The following KIAA0040 variants were observed in gnomAD, a reference collection of about 807,000 sequenced individuals.
KIAA0040 encodes the protein KIAA0040, also known as uncharacterized protein KIAA0040.
In KIAA0040, 10 loss-of-function variants were observed where a neutral mutation model predicts 7.2. The ratio of observed to expected loss-of-function variants is 1.38; its 90% confidence interval spans 0.85 to 2.34. KIAA0040 has a LOEUF of 2.34. Among genes scored for constraint, KIAA0040 ranks in the 30% most tolerant of loss-of-function variants. The pLI, the probability that KIAA0040 is intolerant of heterozygous loss-of-function variation, is 0.00. For synonymous variants in KIAA0040, 49 were observed against 40.1 expected, an observed-to-expected ratio of 1.22 and a Z score of -0.84; for missense variants, 89 against 108.2, an observed-to-expected ratio of 0.82 and a Z score of 0.79.
chr1:175,157,532 A>G lies in KIAA0040; in HGVS notation c.*3182T>C, dbSNP rs958113010. The G allele has an allele frequency of 8.5e-5, 13 of 152,108 alleles. No individual in the cohort carries two copies. Among genetic ancestry groups the G allele is most frequent in the African/African-American group, 3.1e-4 (13 of 41,396 alleles). 9.4% of individuals were successfully genotyped at this position (152,108 alleles called of 1,614,324 possible). ...AGAGTAACCATCTGACTACATCAAG[A>G]CTTTTCATTTTCAAAGTATTTTATT... On this transcript the variant is annotated 3_prime_UTR_variant, in exon 4 of 4. Coordinates refer to ENST00000423313, the MANE Select transcript of KIAA0040 (RefSeq NM_014656.3).
intron 2 of KIAA0040, among the ~76,000 whole-genome samples, chr1:175,167,824 C>T (rs931837716): frequency 6.6e-6 from 1 of 151,880 alleles, no homozygotes; most frequent in Admixed American, 6.6e-5. Context: ...TGGGTGTGCC[C>T]AACTTTCCTT....
chr1:175,176,183 A>T (rs1364141537), intron 2 of KIAA0040, among the ~76,000 whole-genome samples: 1 of 152,230 alleles, frequency 6.6e-6, no homozygotes, highest in Non-Finnish European at 1.5e-5. Flanking sequence ...GAATAGCTGA[A>T]AACTAATGAA....
intron 1 of KIAA0040, 134 bp from the exon 2 acceptor site, chr1:175,177,818 T>C (rs992838166): frequency 3.9e-5 from 6 of 152,230 alleles, no homozygotes; most frequent in Non-Finnish European, 8.8e-5. Flanking sequence ...ATGCATACAC[T>C]TTCTAAATTA....
At chr1:175,177,349 A>G (rs1677245074) in intron 2 of KIAA0040, among the ~76,000 whole-genome samples, 1 of 152,262 alleles carries the variant, frequency 6.6e-6, no homozygotes, top group Non-Finnish European at 1.5e-5. Context: ...GACAGTTAGA[A>G]GGCAGAAGAT....
rs1285052419 is a variant in KIAA0040 at position 175,160,464 on chromosome 1, G to A, written c.*250C>T. 1 of 478,056 alleles carries A rather than the reference G, an allele frequency of 2.1e-6. No individual in the cohort carries two copies. The highest frequency in any genetic ancestry group is 3.1e-5 in the South Asian group (1 of 32,330). 29.6% of individuals were successfully genotyped at this position (478,056 alleles called of 1,614,324 possible). On this transcript the variant is annotated 3_prime_UTR_variant, in exon 4 of 4. Coordinates refer to ENST00000423313, the MANE Select transcript of KIAA0040 (RefSeq NM_014656.3). ...TGGGGTATGCCAGAGACAGGTGGGA[G>A]GCATGCCTGGGTCTGCAGTAAGGAG...
chr1:175,177,724 CT>C (rs1677259392), intron 1 of KIAA0040, 40 bp from the exon 2 acceptor site: 1 of 152,168 alleles, frequency 6.6e-6, no homozygotes, highest in African/African-American at 2.4e-5. Context: ...TGTACTGCCC[CT>C]TTGGAGGGAA....
At chr1:175,169,546 C>T (rs1354591577) in intron 2 of KIAA0040, among the ~76,000 whole-genome samples, 1 of 152,144 alleles carries the variant, frequency 6.6e-6, no homozygotes, top group African/African-American at 2.4e-5. Context: ...AAGTAAACAG[C>T]CCTTGACTCC....
intron 2 of KIAA0040, among the ~76,000 whole-genome samples, chr1:175,169,804 C>T (rs1676914240): frequency 6.6e-6 from 1 of 152,190 alleles, no homozygotes; most frequent in Admixed American, 6.5e-5. Context: ...GCAGGGCTCT[C>T]CCAAGATTGT....
At chr1:175,176,946 G>T (rs537998873) in intron 2 of KIAA0040, among the ~76,000 whole-genome samples, 1 of 152,244 alleles carries the variant, frequency 6.6e-6, no homozygotes, top group East Asian at 1.9e-4. Flanking sequence ...GGGGATTGCA[G>T]GGGGGTATCC....
chr1:175,188,646 G>A (rs1677754503), intron 1 of KIAA0040, among the ~76,000 whole-genome samples: 1 of 152,194 alleles, frequency 6.6e-6, no homozygotes, highest in Non-Finnish European at 1.5e-5. Context: ...ACACTAAAAG[G>A]ATTTTAGTTA....
At chr1:175,179,602 A>G (rs1258238573) in intron 1 of KIAA0040, among the ~76,000 whole-genome samples, 1 of 152,222 alleles carries the variant, frequency 6.6e-6, no homozygotes, top group East Asian at 1.9e-4. Flanking sequence ...TAAAAACAGG[A>G]TGCAATCAGT....
rs570855066 is a variant in KIAA0040 at position 175,161,112 on chromosome 1, T to C, written c.-99A>G. ...TTGACCACTTGTAATTTATTCCTCT[T>C]CCAGCTTTGGGTTTGGGCATGCCAC... is the stretch of plus-strand genomic sequence containing the variant. On this transcript the variant is annotated 5_prime_UTR_variant, in exon 4 of 4. Transcript: ENST00000423313. The C allele has an allele frequency of 1.2e-5, 14 of 1,207,980 alleles. No homozygotes were observed. Among genetic ancestry groups the C allele is most frequent in the Admixed American group, 2.8e-5 (1 of 35,634 alleles). The allele number at this position is 1,207,980 out of a possible 1,614,324, so 74.8% of individuals were successfully genotyped here.
chr1:175,167,961 G>T (rs760487), intron 2 of KIAA0040, among the ~76,000 whole-genome samples: 147,982 of 151,870 alleles, frequency 0.97, 72,111 homozygotes, highest in East Asian at 0.99. Context: ...CTCTTGGGGG[G>T]TTAAAACACC....
intron 1 of KIAA0040, among the ~76,000 whole-genome samples, chr1:175,183,899 T>C (rs1677544851): frequency 6.6e-6 from 1 of 152,110 alleles, no homozygotes; most frequent in African/African-American, 2.4e-5. Flanking sequence ...TTTGGAAAAT[T>C]CCCCAAAGCC....
intron 1 of KIAA0040, among the ~76,000 whole-genome samples, chr1:175,177,908 G>A (rs944364401): frequency 6.6e-6 from 1 of 152,248 alleles, no homozygotes; most frequent in African/African-American, 2.4e-5. Context: ...TGTCTGGGCT[G>A]TTAGGAACTG....
Position 175,161,077 on chromosome 1 carries a change from G to A in KIAA0040, c.-64C>T, listed in dbSNP as rs1214467920. On this transcript the variant is annotated 5_prime_UTR_variant, in exon 4 of 4. Coordinates refer to ENST00000423313, the MANE Select transcript of KIAA0040 (RefSeq NM_014656.3). ...TTACAAGCAGGTCCTGGGCTCAAAA[G>A]GATGCAACCTTGACCACTTGTAATT... is the stretch of plus-strand genomic sequence containing the variant. 3.5e-6 allele frequency: 5 copies of A among 1,430,182 alleles called. No individual in the cohort carries two copies. In the Admixed American group the frequency reaches 9.8e-5, roughly 28 times the overall value. 88.6% of individuals were successfully genotyped at this position (1,430,182 alleles called of 1,614,324 possible).
intron 2 of KIAA0040, among the ~76,000 whole-genome samples, chr1:175,174,732 C>T (rs1451113861): frequency 2.6e-5 from 4 of 152,122 alleles, no homozygotes; most frequent in Non-Finnish European, 5.9e-5. Context: ...TTAGGAGCTA[C>T]ATTTCCAAAG....
intron 2 of KIAA0040, among the ~76,000 whole-genome samples, chr1:175,171,918 G>C (rs114544887): frequency 3.2e-3 from 487 of 152,292 alleles, no homozygotes; most frequent in Middle Eastern, 0.014. Flanking sequence ...GAAATATGGG[G>C]GAGGTAAAAG....
intron 1 of KIAA0040, among the ~76,000 whole-genome samples, chr1:175,187,320 A>C (rs950028411): frequency 7.9e-5 from 12 of 152,316 alleles, no homozygotes; most frequent in Middle Eastern, 3.4e-3. Context: ...TGTGGGTTCC[A>C]AATCACTCGG....
Sources: allele counts gnomAD v4.1 joint callset (sites outside exome capture counted in the v4.1 genomes callset), GRCh38; gene constraint gnomAD v4.1.1; transcripts MANE v1.5; gene names NCBI Gene and HGNC (gene_info 2026-07-23, HGNC 2026-07-21).